SHISA9: variants seen among roughly 807,000 people sequenced by gnomAD.
The protein encoded by SHISA9 is shisa family member 9.
A neutral mutation model predicts 38.0 loss-of-function variants in SHISA9; 13 were observed. The observed-to-expected ratio is 0.34, with a 90% CI of 0.22 to 0.54. The LOEUF (loss-of-function observed/expected upper bound fraction) is 0.54, where lower values mean the gene tolerates loss of function less well. Among genes scored for constraint, SHISA9 ranks in the 20% least tolerant of loss-of-function variants. The pLI, the probability that SHISA9 is intolerant of heterozygous loss-of-function variation, is 0.91. For synonymous variants in SHISA9, 275 were observed against 242.0 expected (o/e 1.14, Z -1.27); for missense variants, 538 against 575.8 (o/e 0.93, Z 0.67).
intron 2 of SHISA9, among the ~76,000 whole-genome samples, chr16:12,923,513 G>A (rs1250180115): frequency 6.6e-6 from 1 of 151,998 alleles, no homozygotes; most frequent in African/African-American, 2.4e-5. Flanking sequence ...GCATGACAGA[G>A]CAAAACTCTG....
intron 1 of SHISA9, among the ~76,000 whole-genome samples, chr16:12,907,033 T>G (rs993455155): frequency 8.0e-6 from 1 of 124,582 alleles, no homozygotes. Flanking sequence ...TCTCCTTCCC[T>G]CCATCCCCCT....
chr16:12,971,899 A>G (rs976004006), intron 2 of SHISA9, among the ~76,000 whole-genome samples: 3 of 152,144 alleles, frequency 2.0e-5, no homozygotes, highest in Admixed American at 6.5e-5. Flanking sequence ...GAACTGTCCT[A>G]TAGATTCCGG....
chr16:13,278,722 GC>G, the SHISA9 span, among the ~76,000 whole-genome samples: 2 of 151,862 alleles, frequency 1.3e-5, no homozygotes, highest in Admixed American at 1.3e-4. Flanking sequence ...CATAGTAGCT[GC>G]AAATGATCTT....
intron 2 of SHISA9, among the ~76,000 whole-genome samples, chr16:12,982,059 C>G (rs562793090): frequency 1.3e-5 from 2 of 152,146 alleles, no homozygotes; most frequent in Non-Finnish European, 1.5e-5. Context: ...GACTTATGGT[C>G]GTTGAATGCG....
At chr16:13,154,481 G>A (rs549445666) in intron 2 of SHISA9, among the ~76,000 whole-genome samples, 3 of 152,312 alleles carry the variant, frequency 2.0e-5, no homozygotes, top group South Asian at 2.1e-4. Flanking sequence ...CTCCATCATG[G>A]TGATGGGTAA....
intron 2 of SHISA9, among the ~76,000 whole-genome samples, chr16:13,044,443 A>G (rs767251490): frequency 1.3e-5 from 2 of 152,170 alleles, no homozygotes; most frequent in Non-Finnish European, 2.9e-5. Flanking sequence ...TTACAAGACA[A>G]ATGTTTTATT....
the SHISA9 span, among the ~76,000 whole-genome samples, chr16:13,488,214 T>C: frequency 6.7e-6 from 1 of 149,124 alleles, no homozygotes; most frequent in Admixed American, 6.7e-5. Flanking sequence ...ATTAAATATA[T>C]ATGGTCAAAG....
the SHISA9 span, among the ~76,000 whole-genome samples, chr16:13,386,482 G>A: frequency 6.6e-6 from 1 of 152,144 alleles, no homozygotes; most frequent in African/African-American, 2.4e-5. Flanking sequence ...TAATTTCTCT[G>A]CCTAGCTTCC....
the SHISA9 span, among the ~76,000 whole-genome samples, chr16:13,437,205 C>CA: frequency 1.6e-3 from 247 of 150,326 alleles, 1 homozygote; most frequent in Middle Eastern, 3.4e-3. Context: ...AGTTTTTACT[C>CA]AAAAAAAAAT....
intron 2 of SHISA9, among the ~76,000 whole-genome samples, chr16:12,995,473 C>A (rs76968565): frequency 0.017 from 2,591 of 152,196 alleles, 18 homozygotes; most frequent in African/African-American, 0.028. Context: ...TAAGATTCTT[C>A]TTGGTGATTC....
Position 13,112,389 on chromosome 16 carries a change from G to A in SHISA9, c.692-91005G>A, listed in dbSNP as rs187917039. On this transcript the variant is annotated intron_variant, in intron 2 of 4. Transcript: ENST00000558583. ...AGAAGGGAAAGAGGGAGGCAGGGAG[G>A]AAGGAAAAAAAAGGTTTTGATTTTC... Among the ~76,000 whole-genome samples the A allele has an allele frequency of 8.6e-4, 130 of 151,724 alleles. 1 individual carries two copies. Among genetic ancestry groups the A allele is most frequent in the Middle Eastern group, 6.8e-3 (2 of 294 alleles).
intron 2 of SHISA9, among the ~76,000 whole-genome samples, chr16:12,982,722 G>A (rs1056341703): frequency 6.6e-6 from 1 of 152,206 alleles, no homozygotes; most frequent in African/African-American, 2.4e-5. Flanking sequence ...CTCAGCCACA[G>A]CATGGTGATG....
chr16:13,450,820 C>T, the SHISA9 span, among the ~76,000 whole-genome samples: 25 of 152,106 alleles, frequency 1.6e-4, no homozygotes, highest in African/African-American at 5.8e-4. Flanking sequence ...CATGTGCTAG[C>T]GATCTGCCCT....
chr16:13,014,748 C>A (rs186139304), intron 2 of SHISA9, among the ~76,000 whole-genome samples: 14 of 152,324 alleles, frequency 9.2e-5, no homozygotes, highest in African/African-American at 3.4e-4. Flanking sequence ...CTGCTAACCC[C>A]TCCTCTTCCC....
At chr16:13,189,914 A>G (rs764989273) in intron 2 of SHISA9, among the ~76,000 whole-genome samples, 2 of 152,118 alleles carry the variant, frequency 1.3e-5, no homozygotes, top group Non-Finnish European at 2.9e-5. Context: ...ACTACACGAT[A>G]GAAGGAATTA....
the SHISA9 span, among the ~76,000 whole-genome samples, chr16:13,281,064 ATTATTTACATTTTC>A: frequency 6.6e-6 from 1 of 151,832 alleles, no homozygotes; most frequent in African/African-American, 2.4e-5. Context: ...TGCGAGTCAC[ATTATTTACATTTTC>A]TCATTCAATA....
At chr16:13,431,122 C>T in the SHISA9 span, among the ~76,000 whole-genome samples, 1 of 152,136 alleles carries the variant, frequency 6.6e-6, no homozygotes, top group East Asian at 1.9e-4. Context: ...ACTGAGGAAG[C>T]CTGCCCAGAT....
chr16:13,031,941 C>T (rs1643570218), intron 2 of SHISA9, among the ~76,000 whole-genome samples: 1 of 152,128 alleles, frequency 6.6e-6, no homozygotes, highest in Non-Finnish European at 1.5e-5. Flanking sequence ...CATCTGCCAG[C>T]TACCTGAGTT....
the SHISA9 span, among the ~76,000 whole-genome samples, chr16:13,436,772 C>A: frequency 1.0e-5 from 1 of 99,246 alleles, no homozygotes; most frequent in Non-Finnish European, 2.1e-5. Context: ...GAGATGTTAT[C>A]CCCCCAGGAA....
Sources: allele counts gnomAD v4.1 joint callset (sites outside exome capture counted in the v4.1 genomes callset), GRCh38; gene constraint gnomAD v4.1.1; transcripts MANE v1.5; gene names NCBI Gene and HGNC (gene_info 2026-07-23, HGNC 2026-07-21).